Variants in DCLK1 observed in about 807,000 individuals in gnomAD.
The protein encoded by DCLK1 is doublecortin like kinase 1, also known as serine/threonine-protein kinase DCLK1.
In DCLK1, 16 loss-of-function variants were observed where a neutral mutation model predicts 86.2. The observed-to-expected ratio is 0.19, with a 90% confidence interval of 0.13 to 0.28. The LOEUF is 0.28. Among genes scored for constraint, DCLK1 ranks in the 10% least tolerant of loss-of-function variants. The pLI, the probability that DCLK1 is intolerant of heterozygous loss-of-function variation, is 1.00. For synonymous variants in DCLK1, 369 were observed against 370.5 expected (o/e 1.00, Z 0.05); for missense variants, 590 against 940.2 (o/e 0.63, Z 4.87).
intron 3 of DCLK1, among the ~76,000 whole-genome samples, chr13:36,059,868 C>CTTTTTTTTTTTTTTTTTTTTTTTTTT (rs57867541): frequency 7.1e-6 from 1 of 140,324 alleles, no homozygotes; most frequent in Non-Finnish European, 1.5e-5. Context: ...ACTTAAATCT[C>CTTTTTTTTTTTTTTTTTTTTTTTTTT]TTTTTTTTTT....
chr13:35,841,690 T>TTTTTTCAAGAGAAA (rs1869802329), intron 6 of DCLK1, among the ~76,000 whole-genome samples: 1 of 152,226 alleles, frequency 6.6e-6, no homozygotes, highest in Non-Finnish European at 1.5e-5. Context: ...GAGAAAAACG[T>TTTTTTCAAGAGAAA]ACTTACGGTC....
At chr13:35,808,476 T>C (rs1323183377) in intron 13 of DCLK1, 156 bp from the exon 14 acceptor site, 6 of 723,138 alleles carry the variant, frequency 8.3e-6, no homozygotes, top group African/African-American at 7.1e-5. Context: ...TGGATCTGTT[T>C]TGGTAAATTA....
chr13:35,925,111 A>G (rs1566605588), intron 4 of DCLK1, among the ~76,000 whole-genome samples: 1 of 152,228 alleles, frequency 6.6e-6, no homozygotes, highest in Non-Finnish European at 1.5e-5. Flanking sequence ...TGAGCAAATG[A>G]TTTTAGAATA....
chr13:36,064,329 A>C (rs9546280), intron 3 of DCLK1, among the ~76,000 whole-genome samples: 9,183 of 152,294 alleles, frequency 0.06, 452 homozygotes, highest in African/African-American at 0.13. Context: ...ATTTTCCTGC[A>C]GATAAGACAA....
intron 5 of DCLK1, among the ~76,000 whole-genome samples, chr13:35,858,356 G>A (rs1307786064): frequency 2.6e-5 from 4 of 152,158 alleles, no homozygotes; most frequent in Admixed American, 1.3e-4. Context: ...CACTTTGAAC[G>A]GAAGCACCTT....
intron 4 of DCLK1, among the ~76,000 whole-genome samples, chr13:35,939,485 G>A (rs1426064472): frequency 1.3e-5 from 2 of 152,200 alleles, no homozygotes; most frequent in Admixed American, 6.5e-5. Context: ...GCTCACTGCA[G>A]CCTCAACCTC....
At chr13:35,824,115 C>T (rs2087463487) in intron 10 of DCLK1, among the ~76,000 whole-genome samples, 1 of 152,180 alleles carries the variant, frequency 6.6e-6, no homozygotes. Flanking sequence ...GCATGTGTGG[C>T]TGTATATGGA....
intron 15 of DCLK1, among the ~76,000 whole-genome samples, chr13:35,802,698 G>C (rs1198507841): frequency 6.6e-6 from 1 of 152,044 alleles, no homozygotes; most frequent in African/African-American, 2.4e-5. Context: ...TTTGAGCAAA[G>C]ATAAAATGCC....
intron 4 of DCLK1, among the ~76,000 whole-genome samples, chr13:35,931,222 G>A (rs747227819): frequency 1.2e-4 from 19 of 152,240 alleles, no homozygotes; most frequent in Middle Eastern, 3.4e-3. Context: ...AAAAACAAGG[G>A]CCTGGAAATC....
chr13:36,112,204 C>T lies in DCLK1; in HGVS notation c.388G>A (p.Val130Ile), dbSNP rs771110309. The change falls in exon 3 of 17, where the codon GTA (valine) becomes ATA (isoleucine). Residue 130 changes from valine to isoleucine, a missense_variant. Coordinates refer to ENST00000360631, the MANE Select transcript of DCLK1 (RefSeq NM_001330071.2). Reference sequence around the variant, plus strand: ...TTGAAGGGCTCTATGGAGCCACATACATAACTCTCTCCTAAGGAAGAGAGA... The same window carrying T: ...TTGAAGGGCTCTATGGAGCCACATATATAACTCTCTCCTAAGGAAGAGAGA... ...LDQLVEGESY[V>I]CGSIEPFKKL... The T allele has an allele frequency of 4.4e-6, 7 of 1,580,414 alleles. No homozygotes were observed. In the South Asian group the frequency reaches 5.6e-5, roughly 13 times the overall value.
At chr13:35,938,458 T>C (rs1418257201) in intron 4 of DCLK1, among the ~76,000 whole-genome samples, 1 of 151,990 alleles carries the variant, frequency 6.6e-6, no homozygotes. Flanking sequence ...TGAAACCCCA[T>C]CTCTACTAAA....
intron 3 of DCLK1, among the ~76,000 whole-genome samples, chr13:36,003,592 A>G (rs1302281688): frequency 6.6e-6 from 1 of 152,220 alleles, no homozygotes; most frequent in East Asian, 1.9e-4. Context: ...AACAACATAA[A>G]TAGGCAACAA....
At chr13:35,849,164 T>A in intron 6 of DCLK1, 1 of 985,348 alleles carries the variant, frequency 1.0e-6, no homozygotes, top group Non-Finnish European at 1.2e-6. Flanking sequence ...TTCTTCTTCC[T>A]CTTCTTTTGG....
chr13:35,923,725 A>G (rs911418690), intron 4 of DCLK1, among the ~76,000 whole-genome samples: 4 of 152,104 alleles, frequency 2.6e-5, no homozygotes, highest in East Asian at 1.9e-4. Flanking sequence ...CAGTTCCTGT[A>G]TTACTAAGCA....
intron 3 of DCLK1, among the ~76,000 whole-genome samples, chr13:35,948,778 G>T (rs1169390595): frequency 2.0e-5 from 3 of 152,212 alleles, no homozygotes; most frequent in Non-Finnish European, 4.4e-5. Context: ...GTCTGCCCAT[G>T]AAAGCTTAAA....
At chr13:36,076,476 CT>C (rs1884217811) in intron 3 of DCLK1, among the ~76,000 whole-genome samples, 1 of 152,204 alleles carries the variant, frequency 6.6e-6, no homozygotes, top group South Asian at 2.1e-4. Context: ...TGAAAAAGCT[CT>C]GATTGAGCTT....
chr13:35,902,268 G>C (rs1874410992), intron 4 of DCLK1, among the ~76,000 whole-genome samples: 1 of 152,192 alleles, frequency 6.6e-6, no homozygotes, highest in Admixed American at 6.5e-5. Flanking sequence ...CAAAATCCAA[G>C]GCTTCAATCA....
intron 3 of DCLK1, among the ~76,000 whole-genome samples, chr13:36,031,325 ACACAC>A (rs1950547601): frequency 2.0e-5 from 3 of 148,826 alleles, no homozygotes; most frequent in Admixed American, 2.0e-4. Flanking sequence ...TATCAACCAC[ACACAC>A]ACAAAAAAAG....
intron 3 of DCLK1, among the ~76,000 whole-genome samples, chr13:36,021,042 G>T (rs988451335): frequency 6.6e-6 from 1 of 152,092 alleles, no homozygotes; most frequent in Non-Finnish European, 1.5e-5. Context: ...AAGTGCAACT[G>T]CATAAAGCTA....
Sources: gnomAD v4.1 joint callset for allele counts (sites outside exome capture counted in the v4.1 genomes callset) on GRCh38, gnomAD v4.1.1 for gene constraint, MANE v1.5 for transcripts, NCBI Gene and HGNC (gene_info 2026-07-23, HGNC 2026-07-21) for gene names.